RNF19B: variants seen among roughly 807,000 people sequenced by gnomAD.
RNF19B encodes the protein ring finger protein 19B.
In RNF19B, 23 loss-of-function variants were observed where a neutral mutation model predicts 65.5. That is an observed-to-expected ratio of 0.35 (90% CI 0.25 to 0.50). RNF19B has a LOEUF of 0.50. Ranked by LOEUF, RNF19B falls within the 20% of genes least tolerant of loss-of-function variation. RNF19B has a pLI of 0.98. For missense variants in RNF19B, 794 were observed against 980.0 expected (o/e 0.81, Z 2.53); for synonymous variants, 372 against 379.6 (o/e 0.98, Z 0.23).
At chr1:32,947,366 TTCAC>T (rs1642389617) in intron 3 of RNF19B, among the ~76,000 whole-genome samples, 1 of 152,216 alleles carries the variant, frequency 6.6e-6, no homozygotes, top group Non-Finnish European at 1.5e-5. Context: ...CATTTTAATA[TTCAC>T]TCAATGAGGC....
chr1:32,942,393 C>G lies in RNF19B; in HGVS notation c.1469G>C (p.Ser490Thr). 3.7e-6 allele frequency: 6 copies of G among 1,614,214 alleles called. No individual in the cohort carries two copies. Among genetic ancestry groups the G allele is most frequent in the Non-Finnish European group, 5.1e-6 (6 of 1,180,032 alleles). The stretch of plus-strand genomic sequence containing the variant: ...AGGGCTTCCACTAGTGCTCAATACA[C>G]TAGTCAGGCCTTCAATGCTGCTTTC... ...IGESSIEGLT[S>T]VLSTSGSPTD... Residue 490 changes from serine (S) to threonine (T), a missense_variant, in exon 7 of 9, where the codon AGT (serine) becomes ACT (threonine). Transcript: ENST00000235150.
At chr1:32,947,502 T>TA (rs1642393252) in intron 3 of RNF19B, among the ~76,000 whole-genome samples, 1 of 151,864 alleles carries the variant, frequency 6.6e-6, no homozygotes, top group South Asian at 2.1e-4. Context: ...CCACTAAAAA[T>TA]ACAAAAATTA....
downstream of RNF19B, among the ~76,000 whole-genome samples, chr1:32,935,023 G>T (rs1642073800): frequency 6.6e-6 from 1 of 151,714 alleles, no homozygotes; most frequent in Non-Finnish European, 1.5e-5. Flanking sequence ...GTAGAGACGG[G>T]GTTTCACCAT....
chr1:32,938,823 A>T (rs1273908390), intron 7 of RNF19B, among the ~76,000 whole-genome samples: 2 of 152,148 alleles, frequency 1.3e-5, no homozygotes, highest in Admixed American at 1.3e-4. Context: ...TCCAAGTCAA[A>T]CAACCTCTAG....
chr1:32,946,112 T>C (rs1642362621), intron 4 of RNF19B, among the ~76,000 whole-genome samples: 2 of 152,188 alleles, frequency 1.3e-5, no homozygotes, highest in Admixed American at 6.5e-5. Context: ...CTGATCTACC[T>C]GCCTTGGCTT....
chr1:32,958,581 T>G (rs1169016731), intron 1 of RNF19B, among the ~76,000 whole-genome samples: 1 of 152,066 alleles, frequency 6.6e-6, no homozygotes, highest in African/African-American at 2.4e-5. Flanking sequence ...CCAGGCATGG[T>G]TGCAGGTGCC....
chr1:32,949,390 T>C (rs760234261), intron 2 of RNF19B, among the ~76,000 whole-genome samples, 179 bp downstream of exon 2: 56 of 152,256 alleles, frequency 3.7e-4, no homozygotes, highest in Non-Finnish European at 6.0e-4. Context: ...GGATAACCTA[T>C]AATGGTCAGA....
chr1:32,938,781 A>G (rs1642167551), intron 7 of RNF19B, among the ~76,000 whole-genome samples: 1 of 152,168 alleles, frequency 6.6e-6, no homozygotes, highest in Non-Finnish European at 1.5e-5. Flanking sequence ...CTGGATGACT[A>G]AAACTGGGCT....
chr1:32,961,223 TAAC>T (rs1642762540), intron 1 of RNF19B, among the ~76,000 whole-genome samples: 1 of 152,206 alleles, frequency 6.6e-6, no homozygotes, highest in African/African-American at 2.4e-5. Flanking sequence ...AGGAGGCTGT[TAAC>T]AACAGGAATC....
At chr1:32,941,412 C>T (rs192018989) in intron 7 of RNF19B, among the ~76,000 whole-genome samples, 29 of 151,898 alleles carry the variant, frequency 1.9e-4, no homozygotes, top group Admixed American at 1.6e-3. Flanking sequence ...TGGTGGTGCA[C>T]GCCTGTAGTC....
At chr1:32,942,091 T>G (rs1034422551) in intron 7 of RNF19B, among the ~76,000 whole-genome samples, 161 bp downstream of exon 7, 1 of 152,194 alleles carries the variant, frequency 6.6e-6, no homozygotes, top group Admixed American at 6.5e-5. Flanking sequence ...AGTGAGACTC[T>G]GTCTTTAAAA....
Position 32,964,429 on chromosome 1 carries a change from G to A in RNF19B, c.257C>T (p.Ala86Val). The A allele has an allele frequency of 8.4e-7, 1 of 1,188,166 alleles. No homozygotes were observed. The highest frequency in any genetic ancestry group is 1.0e-6 in the Non-Finnish European group (1 of 962,896). The allele number at this position is 1,188,166 out of a possible 1,614,324, so 73.6% of individuals were successfully genotyped here. A position where few individuals can be genotyped will look rare whatever the true frequency, so the allele number is the denominator to read the frequency against. Reference protein sequence around the residue: ...PPEALPAEPAAEAEAEAAAAA... With the variant: ...PPEALPAEPAVEAEAEAAAAA... ...CGCCGCGGCCTCCGCCTCGGCCTCG[G>A]CGGCCGGCTCGGCGGGCAGCGCCTC... is the stretch of plus-strand genomic sequence containing the variant. The change falls in exon 1 of 9, where the codon GCC becomes GTC. Residue 86 changes from alanine to valine, a missense_variant. Physicochemically the swap from Ala to Val is moderately conservative, Grantham distance 64. Transcript: ENST00000235150. This position sits in a 1 kb window ranked among gnomAD's most constrained non-coding sequence, Gnocchi z 6.5.
intron 1 of RNF19B, among the ~76,000 whole-genome samples, chr1:32,952,373 C>T (rs540408156): frequency 4.2e-5 from 6 of 142,412 alleles, no homozygotes; most frequent in Non-Finnish European, 7.5e-5. Context: ...GCAGGAAGAT[C>T]GCTTGAGGCC....
intron 7 of RNF19B, among the ~76,000 whole-genome samples, chr1:32,941,627 A>G (rs1293107305): frequency 6.6e-6 from 1 of 152,212 alleles, no homozygotes; most frequent in Non-Finnish European, 1.5e-5. Context: ...CATTTTACGA[A>G]TTCTATAAAA....
chr1:32,934,848 T>C (rs1162537417), downstream of RNF19B, among the ~76,000 whole-genome samples: 4 of 152,170 alleles, frequency 2.6e-5, no homozygotes, highest in Non-Finnish European at 1.5e-5. Flanking sequence ...TATTTTATTT[T>C]GTCAGACGGA....
At chr1:32,942,146 A>C in intron 7 of RNF19B, 106 bp downstream of exon 7, 1 of 927,614 alleles carries the variant, frequency 1.1e-6, no homozygotes, top group Non-Finnish European at 1.6e-6. Flanking sequence ...TGACAATTAA[A>C]TCAAAATAAG....
chr1:32,946,126 A>G (rs1487837521), intron 4 of RNF19B, among the ~76,000 whole-genome samples: 1 of 152,316 alleles, frequency 6.6e-6, no homozygotes, highest in South Asian at 2.1e-4. Flanking sequence ...TTGGCTTCCC[A>G]AAGTGCTAGG....
At chr1:32,940,793 G>C (rs1642213721) in intron 7 of RNF19B, among the ~76,000 whole-genome samples, 1 of 152,036 alleles carries the variant, frequency 6.6e-6, no homozygotes, top group African/African-American at 2.4e-5. Context: ...TATACACTCT[G>C]GTCTGCCTAA....
chr1:32,945,687 G>T, intron 4 of RNF19B, 59 bp from the exon 5 acceptor site: 1 of 952,394 alleles, frequency 1.0e-6, no homozygotes, highest in Non-Finnish European at 1.7e-6. Context: ...TTTTGCCAGA[G>T]AAAAAAAGGA....
Sources: gnomAD v4.1 joint callset for allele counts (sites outside exome capture counted in the v4.1 genomes callset) on GRCh38, gnomAD v4.1.1 for gene constraint, Gnocchi (gnomAD v3.1) non-coding constraint, MANE v1.5 for transcripts, NCBI Gene and HGNC (gene_info 2026-07-23, HGNC 2026-07-21) for gene names.